The following GRM8 variants were observed in gnomAD, a reference collection of about 807,000 sequenced individuals.
GRM8 encodes glutamate metabotropic receptor 8, also known as metabotropic glutamate receptor 8.
Under a neutral mutation model 87.2 loss-of-function variants are expected in GRM8, and 47 were observed. That is an observed-to-expected ratio of 0.54 (90% CI 0.43 to 0.69). The LOEUF (loss-of-function observed/expected upper bound fraction) is 0.69. GRM8 is among the 30% of genes least tolerant of loss of function. GRM8 has a pLI of 0.00. For synonymous variants in GRM8, 396 were observed against 404.5 expected, an observed-to-expected ratio of 0.98 and a Z score of 0.25; for missense variants, 1,019 against 1,139.2, an observed-to-expected ratio of 0.89 and a Z score of 1.52.
At chr7:127,178,485 A>G (rs867983207) in intron 2 of GRM8, among the ~76,000 whole-genome samples, 2 of 152,226 alleles carry the variant, frequency 1.3e-5, no homozygotes, top group Admixed American at 6.5e-5. Context: ...ACATCCACAC[A>G]CAAGAAGTAC....
Position 126,741,596 on chromosome 7 carries a change from C to T in GRM8, c.1357+28269G>A, listed in dbSNP as rs75459477. On this transcript the variant is annotated intron_variant, in intron 7 of 10. Coordinates refer to ENST00000339582, the MANE Select transcript of GRM8 (RefSeq NM_000845.3). Reference sequence around the variant, plus strand: ...TGTCCTCAAGAAGACCGGTCTAACACGAGCTGACAGCATGATGTCATGACA... The same window carrying T: ...TGTCCTCAAGAAGACCGGTCTAACATGAGCTGACAGCATGATGTCATGACA... Among the ~76,000 whole-genome samples, 1,034 of 152,170 alleles carry T rather than the reference C, an allele frequency of 6.8e-3. 11 individuals carry two copies. Among genetic ancestry groups the T allele is most frequent in the African/African-American group, 0.023 (961 of 41,526 alleles).
intron 7 of GRM8, among the ~76,000 whole-genome samples, chr7:126,626,078 G>C (rs1800644331): frequency 1.4e-5 from 2 of 147,886 alleles, no homozygotes; most frequent in African/African-American, 5.0e-5. Flanking sequence ...ATCTCTAATA[G>C]TGATGATTAC....
chr7:126,561,121 A>G (rs1793643319), intron 8 of GRM8, among the ~76,000 whole-genome samples: 1 of 152,190 alleles, frequency 6.6e-6, no homozygotes, highest in Admixed American at 6.5e-5. Context: ...CAGGTTAACC[A>G]TAATTGCCAT....
intron 7 of GRM8, among the ~76,000 whole-genome samples, chr7:126,746,017 A>G (rs1258899420): frequency 6.6e-6 from 1 of 151,824 alleles, no homozygotes; most frequent in Non-Finnish European, 1.5e-5. Context: ...AAGAAAGCTA[A>G]GAGAATACTG....
intron 7 of GRM8, among the ~76,000 whole-genome samples, chr7:126,617,773 T>C (rs1232556208): frequency 9.4e-5 from 14 of 149,594 alleles, no homozygotes; most frequent in African/African-American, 2.5e-4. Flanking sequence ...AACTCCCATT[T>C]ACAATTGCTT....
In GRM8 at chr7:126,903,775, G is replaced by GTGTGTATATA. The variant is rs759583815; in HGVS notation, c.1018+196_1018+197insTATATACACA. 3.4e-4 allele frequency among the ~76,000 whole-genome samples: 30 copies of GTGTGTATATA among 87,670 alleles called. 4 individuals carry two copies. In the East Asian group the frequency reaches 4.2e-3, roughly 12 times the overall value. 57.5% of individuals were successfully genotyped at this position (87,670 alleles called of 152,430 possible). A position where few individuals can be genotyped will look rare whatever the true frequency, so the allele number is the denominator to read the frequency against. Reference sequence around the variant, plus strand: ...TATGTGTATATATATATGTGTGTGTGTATATATATATATATATATATATAT... The same window carrying GTGTGTATATA: ...TATGTGTATATATATATGTGTGTGTGTGTGTATATATATATATATATATATATATATATAT... On this transcript the variant is annotated intron_variant, in intron 5 of 10. Transcript: ENST00000339582.
intron 2 of GRM8, among the ~76,000 whole-genome samples, chr7:127,218,561 T>G (rs1796714129): frequency 6.6e-6 from 1 of 152,218 alleles, no homozygotes. Context: ...GAAGGACAAC[T>G]GAGTAAAATG....
At chr7:126,565,638 T>G (rs1370801729) in intron 8 of GRM8, among the ~76,000 whole-genome samples, 1 of 152,098 alleles carries the variant, frequency 6.6e-6, no homozygotes, top group African/African-American at 2.4e-5. Flanking sequence ...ACAGATTCTA[T>G]GCAATCCCTA....
At chr7:126,910,231 T>G (rs1446743383) in intron 3 of GRM8, among the ~76,000 whole-genome samples, 2 of 152,200 alleles carry the variant, frequency 1.3e-5, no homozygotes, top group African/African-American at 4.8e-5. Flanking sequence ...GGTTCTTGTC[T>G]TCCACTTCTT....
chr7:126,847,941 GATCAAGAGGGATT>G (rs1392434952), intron 6 of GRM8, among the ~76,000 whole-genome samples: 1 of 152,164 alleles, frequency 6.6e-6, no homozygotes, highest in African/African-American at 2.4e-5. Flanking sequence ...TGAAACCTGA[GATCAAGAGGGATT>G]TCTCCTGAAG....
At chr7:126,441,212 G>A (rs1472800829) in intron 10 of GRM8, among the ~76,000 whole-genome samples, 1 of 151,870 alleles carries the variant, frequency 6.6e-6, no homozygotes, top group Non-Finnish European at 1.5e-5. Flanking sequence ...CAAATATATA[G>A]AAAACATGTG....
At chr7:126,797,648 TC>T (rs761432613) in intron 6 of GRM8, among the ~76,000 whole-genome samples, 12 of 152,088 alleles carry the variant, frequency 7.9e-5, no homozygotes, top group Non-Finnish European at 1.3e-4. Flanking sequence ...TTTTAGTCTA[TC>T]AAGCATGGAT....
At chr7:127,011,453 G>A (rs1231730853) in intron 3 of GRM8, among the ~76,000 whole-genome samples, 5 of 152,022 alleles carry the variant, frequency 3.3e-5, no homozygotes, top group Non-Finnish European at 5.9e-5. Context: ...TCTCACTTAG[G>A]ATGTGCAGTT....
At chr7:126,598,770 A>T (rs866092271) in intron 8 of GRM8, among the ~76,000 whole-genome samples, 3 of 152,266 alleles carry the variant, frequency 2.0e-5, no homozygotes, top group African/African-American at 7.2e-5. Flanking sequence ...TGAAGCTTAA[A>T]TGTGAGCATC....
chr7:126,623,562 A>G (rs987418586), intron 7 of GRM8, among the ~76,000 whole-genome samples: 2 of 152,174 alleles, frequency 1.3e-5, no homozygotes, highest in Non-Finnish European at 2.9e-5. Context: ...TTCAGCAGCC[A>G]CTGCTCCCTC....
chr7:127,122,308 CTTTTT>C (rs1213126964), intron 2 of GRM8, among the ~76,000 whole-genome samples: 2 of 152,068 alleles, frequency 1.3e-5, no homozygotes, highest in Non-Finnish European at 2.9e-5. Context: ...ATATACTTTT[CTTTTT>C]TTATGAGTAG....
At chr7:126,688,875 G>A (rs79350030) in intron 7 of GRM8, among the ~76,000 whole-genome samples, 4,187 of 151,878 alleles carry the variant, frequency 0.028, 210 homozygotes, top group African/African-American at 0.096. Context: ...GAGAGCTCTC[G>A]CTTTTCCTCT....
chr7:126,579,492 A>G (rs1176550764), intron 8 of GRM8, among the ~76,000 whole-genome samples: 1 of 152,230 alleles, frequency 6.6e-6, no homozygotes, highest in African/African-American at 2.4e-5. Flanking sequence ...GACTGGAATC[A>G]GCCTCAACAC....
chr7:126,724,211 T>C (rs1812723207), intron 7 of GRM8, among the ~76,000 whole-genome samples: 1 of 152,158 alleles, frequency 6.6e-6, no homozygotes, highest in Non-Finnish European at 1.5e-5. Context: ...ACTGTACCTC[T>C]TTTCCTCCTG....
Sources: allele counts gnomAD v4.1 joint callset (sites outside exome capture counted in the v4.1 genomes callset), GRCh38; gene constraint gnomAD v4.1.1; transcripts MANE v1.5; gene names NCBI Gene and HGNC (gene_info 2026-07-23, HGNC 2026-07-21).